Variants in ZNF749 observed in about 807,000 individuals in gnomAD.
ZNF749 encodes zinc finger protein 749.
ZNF749 carries 8 observed loss-of-function variants against 7.3 expected under a neutral mutation model. That is an observed-to-expected ratio of 1.10 (90% CI 0.64 to 1.98). The LOEUF (loss-of-function observed/expected upper bound fraction) is 1.98, where lower values mean the gene tolerates loss of function less well. ZNF749 is among the 30% of genes most tolerant of loss of function. The pLI is 0.00. For missense variants in ZNF749, 898 were observed against 932.4 expected, an observed-to-expected ratio of 0.96 and a Z score of 0.48; for synonymous variants, 310 against 322.4, an observed-to-expected ratio of 0.96 and a Z score of 0.41.
rs1295976479 is a variant in ZNF749, at chr19:57,441,888, T to G, written c.19T>G (p.Cys7Gly). 2 of 1,614,116 alleles carry G rather than the reference T, an allele frequency of 1.2e-6. No homozygotes were observed. Among genetic ancestry groups the G allele is most frequent in the Admixed American group, 3.3e-5 (2 of 60,008 alleles). The change falls in exon 2 of 3, where the codon TGT (cysteine) becomes GGT (glycine). Residue 7 changes from cysteine to glycine, a missense_variant. Transcript: ENST00000334181. ...TGAAGTGTCATAATTTTGGCAGGAT[T>G]GTATGGTCTTTGAGGATGTGGCCAT... MNLTED[C>G]MVFEDVAIYF...
In ZNF749 at chr19:57,435,597, C is replaced by A. The variant is rs759130618; in HGVS notation, c.15+4C>A. The stretch of plus-strand genomic sequence containing the variant: ...CGCGCCGATGAACCTGACCGAGGTG[C>A]GTGCAGCGTCCCAGGCCGCCCCGCC... On this transcript the variant is annotated splice_donor_region_variant and intron_variant, in intron 1 of 2. Coordinates refer to ENST00000334181, the MANE Select transcript of ZNF749 (RefSeq NM_001023561.4). The A allele has an allele frequency of 3.7e-6, 6 of 1,605,824 alleles. No homozygotes were observed. The highest frequency in any genetic ancestry group is 5.1e-6 in the Non-Finnish European group (6 of 1,177,252).
Position 57,439,225 on chromosome 19 carries a change from C to T in ZNF749, c.16-2660C>T, listed in dbSNP as rs562744423. 2.7e-4 allele frequency among the ~76,000 whole-genome samples: 41 copies of T among 151,902 alleles called. No homozygotes were observed. Among genetic ancestry groups the T allele is most frequent in the Middle Eastern group, 6.8e-3 (2 of 294 alleles). On this transcript the variant is annotated intron_variant, in intron 1 of 2. Transcript: ENST00000334181. This position sits in a 1 kb window ranked among gnomAD's most constrained non-coding sequence, Gnocchi z 4.3. ...CAGGTGGAGGTTGTTGGTGACTGAA[C>T]GAGAGTGGCGGTGGTGGAAGTGGGA...
chr19:57,442,217 G>C lies in ZNF749; in HGVS notation c.142+206G>C, dbSNP rs931918149. On this transcript the variant is annotated intron_variant, in intron 2 of 2. Coordinates refer to ENST00000334181, the MANE Select transcript of ZNF749 (RefSeq NM_001023561.4). The surrounding 1 kb of genome is among the most constrained non-coding windows in gnomAD (Gnocchi z 6.6). ...AAGCAGCCCCAGCTTCTGTTGCTCT[G>C]AAACTTTACAAGATAAGGCTCGGAA... Among the ~76,000 whole-genome samples the C allele has an allele frequency of 1.3e-5, 2 of 152,210 alleles. No homozygotes were observed. Among genetic ancestry groups the C allele is most frequent in the Non-Finnish European group, 2.9e-5 (2 of 68,040 alleles).
At chr19:57,438,335 C>T (rs917214324) in intron 1 of ZNF749, 4 of 335,880 alleles carry the variant, frequency 1.2e-5, no homozygotes, top group Non-Finnish European at 2.1e-5. Flanking sequence ...GCTGACCAGT[C>T]GTTACCTCCT....
In ZNF749 at chr19:57,446,257, AG is replaced by A. The variant is rs1015314177; in HGVS notation, c.*774del. Among the ~76,000 whole-genome samples, 1 of 152,092 alleles carries A rather than the reference AG, an allele frequency of 6.6e-6. No individual in the cohort carries two copies. Among genetic ancestry groups the A allele is most frequent in the African/African-American group, 2.4e-5 (1 of 41,408 alleles). ...TGTGAACTGTGCCTGTGAGGGATCT[AG>A]GTTGTGTGCTCCTTATGAGAATCTA... On this transcript the variant is annotated 3_prime_UTR_variant, in exon 3 of 3. Coordinates refer to ENST00000334181, the MANE Select transcript of ZNF749 (RefSeq NM_001023561.4).
Position 57,445,708 on chromosome 19 carries a change from C to T in ZNF749, c.*223C>T. ...CTTTGGGAGGCAGAGGTGGGTGGATCACCTGAGGTCAGGAGTTTGAGACCA... is the reference window on the plus strand; with the variant it reads ...CTTTGGGAGGCAGAGGTGGGTGGATTACCTGAGGTCAGGAGTTTGAGACCA... On this transcript the variant is annotated 3_prime_UTR_variant, in exon 3 of 3. Transcript: ENST00000334181. 3.4e-6 allele frequency: 1 copy of T among 291,354 alleles called. No individual in the cohort carries two copies. The highest frequency in any genetic ancestry group is 5.1e-6 in the Non-Finnish European group (1 of 195,616). The allele number at this position is 291,354 out of a possible 1,614,324, so 18.0% of individuals were successfully genotyped here.
At position 57,445,354 on chromosome 19, in the gene ZNF749, T is replaced by C; in HGVS notation, c.2206T>C (p.Cys736Arg). The C allele has an allele frequency of 6.2e-7, 1 of 1,613,840 alleles. No homozygotes were observed. The highest frequency in any genetic ancestry group is 1.1e-5 in the South Asian group (1 of 91,074). The change falls in exon 3 of 3, where the codon TGT becomes CGT. Residue 736 changes from cysteine to arginine, a missense_variant. By Grantham distance (180) the Cys-to-Arg change is radical. Transcript: ENST00000334181. ...LRECGKDFNK[C>R]NTGQRQKTHT... Reference sequence around the variant, plus strand: ...GGAATGTGGGAAAGACTTCAACAAATGTAATACTGGTCAGCGCCAAAAAAC... The same window carrying C: ...GGAATGTGGGAAAGACTTCAACAAACGTAATACTGGTCAGCGCCAAAAAAC...
upstream of ZNF749, chr19:57,435,318 G>A: frequency 3.3e-6 from 2 of 600,688 alleles, no homozygotes; most frequent in East Asian, 2.8e-5. Flanking sequence ...TCAATTGTGT[G>A]GGCGGGACTT....
upstream of ZNF749, among the ~76,000 whole-genome samples, chr19:57,432,594 G>GGA (rs1358966634): frequency 8.4e-5 from 12 of 142,816 alleles, no homozygotes; most frequent in Non-Finnish European, 9.3e-5. Context: ...AGGTGGGGGG[G>GGA]ACTAAACAGA....
upstream of ZNF749, among the ~76,000 whole-genome samples, chr19:57,430,611 C>T (rs930386694): frequency 1.3e-5 from 2 of 152,178 alleles, no homozygotes; most frequent in Non-Finnish European, 2.9e-5. Context: ...CCAAGGTTTA[C>T]ATCTGACAGT....
At chr19:57,437,869 C>G in intron 1 of ZNF749, 2 of 391,204 alleles carry the variant, frequency 5.1e-6, no homozygotes, top group Non-Finnish European at 9.0e-6. Flanking sequence ...AATATGAGCC[C>G]TGTGAAGTGG....
rs1439567732 is a variant in ZNF749, at chr19:57,445,240, T to G, written c.2092T>G (p.Cys698Gly). Residue 698 changes from cysteine to glycine, a missense_variant, in exon 3 of 3, where the codon TGC (cysteine) becomes GGC (glycine). Transcript: ENST00000334181. ...KVCTGEKPHE[C>G]SKCRELFRTK... ...TTGCACTGGGGAGAAGCCTCATGAG[T>G]GCAGTAAATGTAGGGAATTGTTTAG... The G allele has an allele frequency of 6.2e-7, 1 of 1,613,886 alleles. No homozygotes were observed. Among genetic ancestry groups the G allele is most frequent in the African/African-American group, 1.3e-5 (1 of 74,926 alleles).
rs760674037 is a variant in ZNF749, at chr19:57,443,334, G to A, written c.186G>A (p.Gln62=). The A allele has an allele frequency of 1.6e-5, 26 of 1,613,440 alleles. No individual in the cohort carries two copies. Among genetic ancestry groups the A allele is most frequent in the Non-Finnish European group, 2.1e-5 (25 of 1,179,644 alleles). ...AGGATGAGGAGGTACCTTCCAAGCA[G>A]TGTGTTTCTGTAAGAGTGTTACAGG... is the stretch of plus-strand genomic sequence containing the variant. ...GAKDEEVPSK[Q]CVSVRVLQVT... is the part of the protein sequence containing the mutation. The change falls in exon 3 of 3, where the codon CAG becomes CAA. Residue 62 remains glutamine, a synonymous_variant. Coordinates refer to ENST00000334181, the MANE Select transcript of ZNF749 (RefSeq NM_001023561.4).
rs950598782 is a variant in ZNF749, at chr19:57,443,388, C to T, written c.240C>T (p.Thr80=). 1 of 1,614,102 alleles carries T rather than the reference C, an allele frequency of 6.2e-7. No individual in the cohort carries two copies. Among genetic ancestry groups the T allele is most frequent in the South Asian group, 1.1e-5 (1 of 91,092 alleles). ...QVTIPKPALS[T]LKAQPCKMCS... Reference sequence around the variant, plus strand: ...CAATTCCAAAGCCAGCTTTGTCCACCCTGAAGGCCCAGCCCTGCAAGATGT... The same window carrying T: ...CAATTCCAAAGCCAGCTTTGTCCACTCTGAAGGCCCAGCCCTGCAAGATGT... Residue 80 remains threonine, a synonymous_variant, in exon 3 of 3, where the codon ACC becomes ACT. Transcript: ENST00000334181.
chr19:57,437,616 T>C lies in ZNF749; in HGVS notation c.15+2023T>C, dbSNP rs368767934. On this transcript the variant is annotated intron_variant, in intron 1 of 2. Coordinates refer to ENST00000334181, the MANE Select transcript of ZNF749 (RefSeq NM_001023561.4). ...GCGGGCGCCTGTAATCCCAGCTACT[T>C]AGGAGGCTGAGGCAGGAGAATCGTT... Among the ~76,000 whole-genome samples, 347 of 150,752 alleles carry C rather than the reference T, an allele frequency of 2.3e-3. 1 individual carries two copies. Among genetic ancestry groups the C allele is most frequent in the African/African-American group, 6.9e-3 (284 of 41,002 alleles).
upstream of ZNF749, among the ~76,000 whole-genome samples, chr19:57,433,984 G>A (rs2088912452): frequency 6.6e-6 from 1 of 152,300 alleles, no homozygotes; most frequent in South Asian, 2.1e-4. Flanking sequence ...AGCTGCTCTA[G>A]AGGCTGAGGT....
chr19:57,434,670 A>G (rs1291853785), upstream of ZNF749, among the ~76,000 whole-genome samples: 1 of 152,188 alleles, frequency 6.6e-6, no homozygotes, highest in Non-Finnish European at 1.5e-5. Context: ...ATGGGCCATT[A>G]GTCACTCATA....
Position 57,435,539 on chromosome 19 carries a change from G to T in ZNF749, c.-40G>T. 6.3e-7 allele frequency: 1 copy of T among 1,594,904 alleles called. No homozygotes were observed. Reference sequence around the variant, plus strand: ...CAGCGTCCAGGTGACCGCCGTTCCCGCCCCGCTCTTCCCTGGGTGGACTGG... The same window carrying T: ...CAGCGTCCAGGTGACCGCCGTTCCCTCCCCGCTCTTCCCTGGGTGGACTGG... On this transcript the variant is annotated 5_prime_UTR_variant, in exon 1 of 3. Coordinates refer to ENST00000334181, the MANE Select transcript of ZNF749 (RefSeq NM_001023561.4).
rs372485774 is a variant in ZNF749 at position 57,443,980 on chromosome 19, T to C, written c.832T>C (p.Phe278Leu). 6 of 1,613,900 alleles carry C rather than the reference T, an allele frequency of 3.7e-6. No homozygotes were observed. The African/African-American group carries it at 6.7e-5, about 18-fold the overall frequency. ...VQHQKIHSEG[F>L]LSKRSDPIEH... The stretch of plus-strand genomic sequence containing the variant: ...GCACCAGAAAATTCACAGTGAAGGC[T>C]TTCTTTCAAAAAGGTCTGACCCCAT... Residue 278 changes from phenylalanine to leucine, a missense_variant, in exon 3 of 3, where the codon TTT becomes CTT. Phe to Leu is a conservative substitution (Grantham distance 22). Coordinates refer to ENST00000334181, the MANE Select transcript of ZNF749 (RefSeq NM_001023561.4).
Sources: gnomAD v4.1 joint callset for allele counts (sites outside exome capture counted in the v4.1 genomes callset) on GRCh38, gnomAD v4.1.1 for gene constraint, Gnocchi (gnomAD v3.1) non-coding constraint, MANE v1.5 for transcripts, NCBI Gene and HGNC (gene_info 2026-07-23, HGNC 2026-07-21) for gene names.